Variants in PDE4D observed in about 807,000 individuals in gnomAD.
PDE4D encodes the protein 3',5'-cyclic-AMP phosphodiesterase 4D.
A neutral mutation model predicts 87.4 loss-of-function variants in PDE4D; 24 were observed. The observed-to-expected ratio is 0.27, with a 90% CI of 0.20 to 0.39. PDE4D has a LOEUF of 0.39. Among genes scored for constraint, PDE4D ranks in the 10% least tolerant of loss-of-function variants. PDE4D has a pLI of 1.00. For missense variants in PDE4D, 714 were observed against 1,041.0 expected, an observed-to-expected ratio of 0.69 and a Z score of 4.32; for synonymous variants, 384 against 383.2, an observed-to-expected ratio of 1.00 and a Z score of -0.02.
At chr5:60,285,982 T>C (rs1366568069) in intron 1 of PDE4D, among the ~76,000 whole-genome samples, 1 of 152,208 alleles carries the variant, frequency 6.6e-6, no homozygotes, top group Non-Finnish European at 1.5e-5. Context: ...AAGGAACATT[T>C]CAGTGCCTCT....
intron 1 of PDE4D, among the ~76,000 whole-genome samples, chr5:59,416,467 T>C (rs907880461): frequency 5.3e-5 from 8 of 152,154 alleles, no homozygotes; most frequent in African/African-American, 1.9e-4. Flanking sequence ...CTGTTGACAA[T>C]AATCCAGATG....
intron 2 of PDE4D, among the ~76,000 whole-genome samples, chr5:59,213,638 C>T (rs1218774424): frequency 6.6e-6 from 1 of 152,094 alleles, no homozygotes. Flanking sequence ...ACCCATCAGC[C>T]TTTTAAAGAG....
chr5:59,715,815 T>C (rs1458548297), intron 1 of PDE4D, among the ~76,000 whole-genome samples: 1 of 152,206 alleles, frequency 6.6e-6, no homozygotes, highest in Non-Finnish European at 1.5e-5. Context: ...ATAAAGTAAA[T>C]TCGGGTAACA....
At chr5:59,816,669 C>G (rs1355270826) in intron 1 of PDE4D, among the ~76,000 whole-genome samples, 1 of 152,182 alleles carries the variant, frequency 6.6e-6, no homozygotes, top group Non-Finnish European at 1.5e-5. Flanking sequence ...ACACCCCTCA[C>G]TACCGCTATG....
chr5:59,117,542 C>G (rs985660942), intron 5 of PDE4D, among the ~76,000 whole-genome samples: 4 of 152,204 alleles, frequency 2.6e-5, no homozygotes, highest in Non-Finnish European at 5.9e-5. Flanking sequence ...TCAAGCCTTA[C>G]TTCCCCCTGG....
chr5:60,141,363 G>T (rs1780521346), intron 2 of PDE4D, among the ~76,000 whole-genome samples: 1 of 152,260 alleles, frequency 6.6e-6, no homozygotes, highest in East Asian at 1.9e-4. Context: ...GACACCTGTG[G>T]CTTCTTTAAA....
At chr5:59,869,932 T>C (rs1336189577) in intron 1 of PDE4D, among the ~76,000 whole-genome samples, 1 of 152,200 alleles carries the variant, frequency 6.6e-6, no homozygotes, top group African/African-American at 2.4e-5. Context: ...AAAGTAATAG[T>C]ATGGCATTTG....
chr5:59,979,674 T>G (rs553048541), intron 3 of PDE4D, among the ~76,000 whole-genome samples: 186 of 152,292 alleles, frequency 1.2e-3, no homozygotes, highest in Admixed American at 3.4e-3. Context: ...AGCATTTATT[T>G]TTGTTGAATT....
intron 2 of PDE4D, among the ~76,000 whole-genome samples, chr5:60,005,258 T>C (rs182967333): frequency 4.6e-4 from 70 of 152,194 alleles, no homozygotes; most frequent in Non-Finnish European, 7.4e-5. Flanking sequence ...ATAGTTGAAC[T>C]CATAGGAACA....
At chr5:59,590,039 A>G (rs1056062907) in intron 1 of PDE4D, among the ~76,000 whole-genome samples, 4 of 152,126 alleles carry the variant, frequency 2.6e-5, no homozygotes, top group African/African-American at 9.7e-5. Flanking sequence ...GAGAATCAAG[A>G]CTACACATTA....
In PDE4D at chr5:59,094,216, CAAAAAAAAAAAAAAAAA is replaced by C. The variant is rs1164383460; in HGVS notation, c.809-55262_809-55246del. ...CTGGTGACAGAGCAAGACTCCGTCT[CAAAAAAAAAAAAAAAAA>C]AAAAAAAAAAAAGGAGAGAATGAGA... is the stretch of plus-strand genomic sequence containing the variant. On this transcript the variant is annotated intron_variant, in intron 5 of 14. Coordinates refer to ENST00000340635, the MANE Select transcript of PDE4D (RefSeq NM_001104631.2). Among the ~76,000 whole-genome samples, 18 of 14,560 alleles carry C rather than the reference CAAAAAAAAAAAAAAAAA, an allele frequency of 1.2e-3. 1 individual carries two copies. The highest frequency in any genetic ancestry group is 3.1e-3 in the Non-Finnish European group (18 of 5,806). 9.6% of individuals were successfully genotyped at this position (14,560 alleles called of 152,430 possible).
At chr5:59,988,819 T>A in intron 2 of PDE4D, 1 of 593,674 alleles carries the variant, frequency 1.7e-6, no homozygotes, top group Non-Finnish European at 2.9e-6. Flanking sequence ...TTAAGTAAAA[T>A]GTATACATGA....
chr5:59,780,767 T>C (rs1230971588), intron 1 of PDE4D, among the ~76,000 whole-genome samples: 1 of 152,176 alleles, frequency 6.6e-6, no homozygotes, highest in Admixed American at 6.5e-5. Context: ...CTTAGATAAG[T>C]AGTTTTATGT....
At chr5:59,965,656 A>G (rs184118843) in intron 3 of PDE4D, among the ~76,000 whole-genome samples, 1 of 152,318 alleles carries the variant, frequency 6.6e-6, no homozygotes, top group East Asian at 1.9e-4. Flanking sequence ...TCCCTGCCAC[A>G]AGAAGCAGAT....
chr5:60,256,957 TG>T (rs1277741957), intron 1 of PDE4D, among the ~76,000 whole-genome samples: 3 of 151,898 alleles, frequency 2.0e-5, no homozygotes, highest in Non-Finnish European at 4.4e-5. Flanking sequence ...ATGGTAACTA[TG>T]TAGAAGTGAT....
chr5:59,169,120 T>C (rs1782359263), intron 5 of PDE4D, among the ~76,000 whole-genome samples: 1 of 152,198 alleles, frequency 6.6e-6, no homozygotes, highest in Non-Finnish European at 1.5e-5. Context: ...ACTCCCTATT[T>C]ATTTAGAGTT....
At chr5:59,831,933 G>C (rs974939462) in intron 1 of PDE4D, among the ~76,000 whole-genome samples, 1 of 152,062 alleles carries the variant, frequency 6.6e-6, no homozygotes, top group Non-Finnish European at 1.5e-5. Context: ...AGGGCTCTAC[G>C]AGACAAGCCA....
intron 2 of PDE4D, among the ~76,000 whole-genome samples, chr5:60,164,038 C>A (rs1034087382): frequency 6.6e-6 from 1 of 152,152 alleles, no homozygotes; most frequent in African/African-American, 2.4e-5. Flanking sequence ...TGCCACAGAG[C>A]TGTCTTTAAT....
chr5:59,634,508 CA>C (rs1831992363), intron 1 of PDE4D, among the ~76,000 whole-genome samples: 1 of 151,966 alleles, frequency 6.6e-6, no homozygotes, highest in Non-Finnish European at 1.5e-5. Context: ...TCAGCAAATG[CA>C]AAAAACCAGA....
Sources: gnomAD v4.1 joint callset for allele counts (sites outside exome capture counted in the v4.1 genomes callset) on GRCh38, gnomAD v4.1.1 for gene constraint, MANE v1.5 for transcripts, NCBI Gene and HGNC (gene_info 2026-07-23, HGNC 2026-07-21) for gene names.